Variants in PPM1L observed in about 807,000 individuals in gnomAD.
PPM1L encodes protein phosphatase, Mg2+/Mn2+ dependent 1L.
Under a neutral mutation model 31.4 loss-of-function variants are expected in PPM1L, and 13 were observed. That is an observed-to-expected ratio of 0.41 (90% CI 0.27 to 0.66). The LOEUF is 0.66. Ranked by LOEUF, PPM1L falls within the 30% of genes least tolerant of loss-of-function variation. The pLI, the probability that PPM1L is intolerant of heterozygous loss-of-function variation, is 0.29. For missense variants in PPM1L, 326 were observed against 453.7 expected (o/e 0.72, Z 2.56); for synonymous variants, 184 against 175.4 (o/e 1.05, Z -0.39).
chr3:160,975,139 C>T (rs899950250), intron 2 of PPM1L, among the ~76,000 whole-genome samples: 5 of 152,210 alleles, frequency 3.3e-5, no homozygotes, highest in African/African-American at 1.2e-4. Context: ...AATCCTTTCC[C>T]CATTGCTGGT....
chr3:160,867,101 A>G (rs1712118759), intron 1 of PPM1L, among the ~76,000 whole-genome samples: 1 of 152,126 alleles, frequency 6.6e-6, no homozygotes, highest in Admixed American at 6.5e-5. Flanking sequence ...TGGCCTCCCA[A>G]AGTGCTGGGA....
At chr3:160,868,912 C>T (rs1712194713) in intron 1 of PPM1L, among the ~76,000 whole-genome samples, 1 of 152,154 alleles carries the variant, frequency 6.6e-6, no homozygotes, top group South Asian at 2.1e-4. Context: ...ATGCCTCTGA[C>T]ATTAAGGGTA....
chr3:160,846,364 T>G (rs1427840971), intron 1 of PPM1L, among the ~76,000 whole-genome samples: 1 of 152,136 alleles, frequency 6.6e-6, no homozygotes, highest in Non-Finnish European at 1.5e-5. Flanking sequence ...AAGACAAACT[T>G]CTGTTTCATA....
intron 1 of PPM1L, among the ~76,000 whole-genome samples, chr3:160,766,855 G>A (rs1054147630): frequency 6.7e-6 from 1 of 149,092 alleles, no homozygotes; most frequent in Admixed American, 6.6e-5. Context: ...TGATACTCGA[G>A]TCTGTTAAGA....
intron 2 of PPM1L, among the ~76,000 whole-genome samples, chr3:161,045,385 A>C (rs1719029634): frequency 6.6e-6 from 1 of 152,230 alleles, no homozygotes; most frequent in Non-Finnish European, 1.5e-5. Context: ...AGCACTCCTC[A>C]GCAAATGTAA....
At chr3:160,928,670 A>G (rs1714680774) in intron 1 of PPM1L, among the ~76,000 whole-genome samples, 1 of 152,168 alleles carries the variant, frequency 6.6e-6, no homozygotes, top group African/African-American at 2.4e-5. Context: ...TGATTAAGTC[A>G]CCAGGGCAGA....
At chr3:160,860,147 A>T (rs1711839728) in intron 1 of PPM1L, among the ~76,000 whole-genome samples, 1 of 152,214 alleles carries the variant, frequency 6.6e-6, no homozygotes, top group Admixed American at 6.5e-5. Flanking sequence ...ACACATGTGG[A>T]TAGTTTCAGA....
chr3:160,900,904 C>G (rs1331942438), intron 1 of PPM1L, among the ~76,000 whole-genome samples: 1 of 152,212 alleles, frequency 6.6e-6, no homozygotes, highest in East Asian at 1.9e-4. Context: ...AGTTCTTTGT[C>G]CTCACCTTTC....
intron 2 of PPM1L, among the ~76,000 whole-genome samples, chr3:160,967,951 TA>T (rs1404285225): frequency 6.6e-6 from 1 of 152,102 alleles, no homozygotes; most frequent in Non-Finnish European, 1.5e-5. Flanking sequence ...CAAATAGCTA[TA>T]ATATCTGCAA....
chr3:160,923,063 A>T (rs1017418390), intron 1 of PPM1L, among the ~76,000 whole-genome samples: 1 of 152,230 alleles, frequency 6.6e-6, no homozygotes, highest in Non-Finnish European at 1.5e-5. Flanking sequence ...GGAGATTATT[A>T]CTAGCAATGT....
At chr3:160,847,414 T>C (rs965822481) in intron 1 of PPM1L, among the ~76,000 whole-genome samples, 1 of 152,178 alleles carries the variant, frequency 6.6e-6, no homozygotes, top group Non-Finnish European at 1.5e-5. Flanking sequence ...ATATGCTCAA[T>C]TGTGATCTCA....
chr3:160,813,917 T>G (rs1274919318), intron 1 of PPM1L, among the ~76,000 whole-genome samples: 1 of 152,204 alleles, frequency 6.6e-6, no homozygotes, highest in African/African-American at 2.4e-5. Flanking sequence ...TTTGACAACT[T>G]GACAGTACAG....
At chr3:160,956,688 T>C (rs1044527111) in intron 1 of PPM1L, among the ~76,000 whole-genome samples, 2 of 152,266 alleles carry the variant, frequency 1.3e-5, no homozygotes, top group Non-Finnish European at 2.9e-5. Flanking sequence ...GGCGTGTGAA[T>C]TATGATTGGG....
At chr3:161,042,650 T>C (rs560115020) in intron 2 of PPM1L, among the ~76,000 whole-genome samples, 20 of 152,288 alleles carry the variant, frequency 1.3e-4, no homozygotes, top group East Asian at 9.6e-4. Context: ...ATAAGCAAAA[T>C]AGGTAGACAT....
rs114908467 is a variant in PPM1L at position 160,792,604 on chromosome 3, G to A, written c.399+35897G>A. Among the ~76,000 whole-genome samples, 842 of 152,270 alleles carry A rather than the reference G, an allele frequency of 5.5e-3. 10 individuals are homozygous for A. Among genetic ancestry groups the A allele is most frequent in the African/African-American group, 0.019 (790 of 41,552 alleles). On this transcript the variant is annotated intron_variant, in intron 1 of 3. Coordinates refer to ENST00000498165, the MANE Select transcript of PPM1L (RefSeq NM_139245.4). ...GCAATCCTGAAGCTAACCACAATGA[G>A]TAGGTGCAGACTTCAGAGGCTGAGG...
At chr3:160,759,124 A>C (rs1407406856) in intron 1 of PPM1L, among the ~76,000 whole-genome samples, 1 of 152,326 alleles carries the variant, frequency 6.6e-6, no homozygotes, top group East Asian at 1.9e-4. Context: ...AGCTCCTTTA[A>C]CATTCACCAG....
Position 160,772,641 on chromosome 3 carries a change from A to G in PPM1L, c.399+15934A>G, listed in dbSNP as rs1015999475. 2.0e-5 allele frequency among the ~76,000 whole-genome samples: 3 copies of G among 152,224 alleles called. No individual in the cohort carries two copies. The East Asian group carries it at 5.8e-4, about 29-fold the overall frequency. Reference sequence around the variant, plus strand: ...GTTATATACCCACGAAACCATTGTTACAATTAAGGTAGTGAACATCTCCAT... The same window carrying G: ...GTTATATACCCACGAAACCATTGTTGCAATTAAGGTAGTGAACATCTCCAT... On this transcript the variant is annotated intron_variant, in intron 1 of 3. Coordinates refer to ENST00000498165, the MANE Select transcript of PPM1L (RefSeq NM_139245.4).
At chr3:160,891,053 A>G (rs1326155047) in intron 1 of PPM1L, among the ~76,000 whole-genome samples, 1 of 152,224 alleles carries the variant, frequency 6.6e-6, no homozygotes, top group Non-Finnish European at 1.5e-5. Flanking sequence ...ACCATTGAGG[A>G]CATAGGCATG....
intron 1 of PPM1L, among the ~76,000 whole-genome samples, chr3:160,889,639 TA>T (rs1713060351): frequency 1.3e-5 from 2 of 152,222 alleles, no homozygotes; most frequent in South Asian, 4.1e-4. Flanking sequence ...GACTCCTCCC[TA>T]ACTCATTTTG....
Sources: allele counts gnomAD v4.1 joint callset (sites outside exome capture counted in the v4.1 genomes callset), GRCh38; gene constraint gnomAD v4.1.1; transcripts MANE v1.5; gene names NCBI Gene and HGNC (gene_info 2026-07-23, HGNC 2026-07-21).